PDE10A: variants seen among roughly 807,000 people sequenced by gnomAD.
PDE10A encodes phosphodiesterase 10A, also known as cAMP and cAMP-inhibited cGMP 3',5'-cyclic phosphodiesterase 10A.
Under a neutral mutation model 97.7 loss-of-function variants are expected in PDE10A, and 39 were observed. That is an observed-to-expected ratio of 0.40 (90% CI 0.31 to 0.52). The LOEUF (loss-of-function observed/expected upper bound fraction) is 0.52, where lower values mean the gene tolerates loss of function less well. Among genes scored for constraint, PDE10A ranks in the 20% least tolerant of loss-of-function variants. The pLI is 0.56. For missense variants in PDE10A, 731 were observed against 1,047.8 expected (o/e 0.70, Z 4.17); for synonymous variants, 371 against 376.8 (o/e 0.98, Z 0.18).
intron 2 of PDE10A, among the ~76,000 whole-genome samples, chr6:165,510,763 T>G (rs73037884): frequency 3.9e-5 from 6 of 152,214 alleles, no homozygotes; most frequent in Non-Finnish European, 8.8e-5. Flanking sequence ...GTAGAATGCA[T>G]GCAGCCCGGA....
intron 1 of PDE10A, among the ~76,000 whole-genome samples, chr6:165,811,848 T>C (rs9356392): frequency 0.45 from 67,927 of 151,854 alleles, 15,968 homozygotes; most frequent in Middle Eastern, 0.53. Flanking sequence ...CAGTGTCTTT[T>C]ATTTTTTATT....
chr6:165,408,111 T>A (rs919414790), intron 13 of PDE10A, among the ~76,000 whole-genome samples: 5 of 152,198 alleles, frequency 3.3e-5, no homozygotes, highest in Admixed American at 1.3e-4. Flanking sequence ...GAAACAAGAA[T>A]TTTCATGTAC....
At chr6:165,984,277 A>C (rs1288729854) in intron 1 of PDE10A, among the ~76,000 whole-genome samples, 3 of 152,206 alleles carry the variant, frequency 2.0e-5, no homozygotes, top group South Asian at 4.1e-4. Flanking sequence ...GTAGACTCTT[A>C]CTACCTGGGG....
At chr6:165,782,715 A>G (rs1778377047) in intron 1 of PDE10A, among the ~76,000 whole-genome samples, 1 of 152,220 alleles carries the variant, frequency 6.6e-6, no homozygotes, top group Non-Finnish European at 1.5e-5. Context: ...ATTCCAAAGA[A>G]CATCAAGAAC....
At chr6:165,830,723 T>C (rs1170213992) in intron 1 of PDE10A, among the ~76,000 whole-genome samples, 2 of 152,214 alleles carry the variant, frequency 1.3e-5, no homozygotes, top group Non-Finnish European at 2.9e-5. Flanking sequence ...AGGGACAATC[T>C]GAGCACCTAA....
chr6:165,977,466 A>G (rs1484943037), intron 1 of PDE10A, among the ~76,000 whole-genome samples: 2 of 152,212 alleles, frequency 1.3e-5, no homozygotes, highest in Admixed American at 1.3e-4. Context: ...ACTTAAATGA[A>G]CAAGCACCAA....
At chr6:165,455,576 A>G (rs1777907388) in intron 3 of PDE10A, among the ~76,000 whole-genome samples, 1 of 152,170 alleles carries the variant, frequency 6.6e-6, no homozygotes, top group East Asian at 1.9e-4. Context: ...AAAAACTACT[A>G]ACTGCTACTA....
intron 2 of PDE10A, among the ~76,000 whole-genome samples, chr6:165,483,408 G>T (rs368572114): frequency 2.6e-5 from 4 of 152,016 alleles, no homozygotes; most frequent in Non-Finnish European, 4.4e-5. Flanking sequence ...GTTAGAGTAC[G>T]GCCTCTGACT....
At chr6:165,679,180 G>A (rs1790907036) in intron 1 of PDE10A, among the ~76,000 whole-genome samples, 1 of 152,200 alleles carries the variant, frequency 6.6e-6, no homozygotes, top group African/African-American at 2.4e-5. Flanking sequence ...CATCAGGTAG[G>A]TAGGACAGGG....
intron 1 of PDE10A, among the ~76,000 whole-genome samples, chr6:165,642,461 TAAAGA>T (rs1313533562): frequency 1.3e-5 from 2 of 152,088 alleles, no homozygotes; most frequent in African/African-American, 4.8e-5. Flanking sequence ...GGAATTAAAA[TAAAGA>T]AAATATAATC....
chr6:165,721,543 C>T (rs936270559), intron 1 of PDE10A, among the ~76,000 whole-genome samples: 4 of 152,170 alleles, frequency 2.6e-5, no homozygotes, highest in Non-Finnish European at 5.9e-5. Flanking sequence ...ATAAGTGGTT[C>T]CAGATTCCAT....
chr6:165,457,831 G>A (rs1778051188), intron 3 of PDE10A, among the ~76,000 whole-genome samples: 1 of 152,178 alleles, frequency 6.6e-6, no homozygotes, highest in Non-Finnish European at 1.5e-5. Context: ...GAGGACAAAT[G>A]TTCCCATGAC....
chr6:165,740,102 G>C (rs1490969309), intron 1 of PDE10A, among the ~76,000 whole-genome samples: 1 of 152,142 alleles, frequency 6.6e-6, no homozygotes, highest in Non-Finnish European at 1.5e-5. Context: ...CAATTCTACT[G>C]TTGGGTATAC....
intron 5 of PDE10A, among the ~76,000 whole-genome samples, chr6:165,441,409 A>G (rs1413855193): frequency 5.3e-5 from 8 of 152,182 alleles, no homozygotes; most frequent in Non-Finnish European, 1.0e-4. Flanking sequence ...TTTGGTACTT[A>G]GCAGATGTTT....
intron 1 of PDE10A, among the ~76,000 whole-genome samples, chr6:165,653,623 G>T (rs879253607): frequency 2.0e-5 from 3 of 152,142 alleles, no homozygotes; most frequent in Admixed American, 6.5e-5. Flanking sequence ...CCCACCACAC[G>T]TGTCTCTACC....
chr6:165,551,243 TA>T (rs1321878538), intron 1 of PDE10A, among the ~76,000 whole-genome samples: 1 of 152,208 alleles, frequency 6.6e-6, no homozygotes, highest in African/African-American at 2.4e-5. Flanking sequence ...TAAAATCAGG[TA>T]AGTTTGCTTT....
intron 1 of PDE10A, among the ~76,000 whole-genome samples, chr6:165,929,660 C>A (rs1240041466): frequency 6.6e-6 from 1 of 152,208 alleles, no homozygotes; most frequent in Non-Finnish European, 1.5e-5. Context: ...GGATCCATTC[C>A]TACCAGATTT....
chr6:165,765,399 C>A (rs1475535080), intron 1 of PDE10A, among the ~76,000 whole-genome samples: 1 of 152,248 alleles, frequency 6.6e-6, no homozygotes, highest in African/African-American at 2.4e-5. Flanking sequence ...AAGGCTCAGG[C>A]ATGGCGGGCT....
At chr6:165,523,923 G>A (rs1452013162) in intron 2 of PDE10A, among the ~76,000 whole-genome samples, 2 of 152,208 alleles carry the variant, frequency 1.3e-5, no homozygotes, top group Non-Finnish European at 2.9e-5. Context: ...ATTTGAGTCA[G>A]TGGGCTGGGG....
Sources: gnomAD v4.1 joint callset for allele counts (sites outside exome capture counted in the v4.1 genomes callset) on GRCh38, gnomAD v4.1.1 for gene constraint, MANE v1.5 for transcripts, NCBI Gene and HGNC (gene_info 2026-07-23, HGNC 2026-07-21) for gene names.